Variants in NCAM1 observed in about 807,000 individuals in gnomAD.
The protein encoded by NCAM1 is neural cell adhesion molecule 1.
Under a neutral mutation model 109.8 loss-of-function variants are expected in NCAM1, and 14 were observed. That is an observed-to-expected ratio of 0.13 (90% confidence interval 0.08 to 0.20). NCAM1 has a LOEUF of 0.20. Among genes scored for constraint, NCAM1 ranks in the 10% least tolerant of loss-of-function variants. The pLI is 1.00. For missense variants in NCAM1, 774 were observed against 1,109.9 expected, an observed-to-expected ratio of 0.70 and a Z score of 4.30; for synonymous variants, 418 against 442.9, an observed-to-expected ratio of 0.94 and a Z score of 0.70.
chr11:113,031,689 A>AC (rs1442952886), intron 1 of NCAM1, among the ~76,000 whole-genome samples: 27 of 137,994 alleles, frequency 2.0e-4, no homozygotes, highest in African/African-American at 6.6e-4. Flanking sequence ...ACTGTCTCAA[A>AC]AAAAAAAGAA....
At chr11:113,262,120 A>C (rs2137672198) in intron 17 of NCAM1, among the ~76,000 whole-genome samples, 1 of 151,828 alleles carries the variant, frequency 6.6e-6, no homozygotes, top group East Asian at 1.9e-4. Flanking sequence ...CGAGAATAAA[A>C]CCTCTCTGAA....
At chr11:113,013,317 C>A (rs965092313) in intron 1 of NCAM1, among the ~76,000 whole-genome samples, 9 of 150,970 alleles carry the variant, frequency 6.0e-5, no homozygotes, top group African/African-American at 2.2e-4. Context: ...TCCCAGCTAC[C>A]CGGGAGGCTG....
intron 1 of NCAM1, among the ~76,000 whole-genome samples, chr11:113,165,053 G>A (rs917731767): frequency 6.6e-5 from 10 of 152,084 alleles, no homozygotes; most frequent in Non-Finnish European, 1.5e-4. Context: ...ATTTTGTCAC[G>A]ATATCACAGG....
intron 1 of NCAM1, among the ~76,000 whole-genome samples, chr11:112,968,024 A>T (rs1338403865): frequency 6.6e-6 from 1 of 152,212 alleles, no homozygotes; most frequent in Non-Finnish European, 1.5e-5. Flanking sequence ...CATGCAGTTG[A>T]GGAACCCTGA....
chr11:113,209,350 T>C (rs1944327162), intron 7 of NCAM1, among the ~76,000 whole-genome samples: 1 of 152,214 alleles, frequency 6.6e-6, no homozygotes, highest in African/African-American at 2.4e-5. Context: ...AGGCTATCAG[T>C]TAGGTTCAAG....
intron 1 of NCAM1, among the ~76,000 whole-genome samples, chr11:113,149,145 T>C (rs1942128412): frequency 6.6e-6 from 1 of 152,140 alleles, no homozygotes; most frequent in African/African-American, 2.4e-5. Context: ...TGGACTACTT[T>C]GGGTGGGAGC....
intron 1 of NCAM1, among the ~76,000 whole-genome samples, chr11:113,139,490 T>C (rs1490736761): frequency 6.6e-6 from 1 of 152,198 alleles, no homozygotes; most frequent in Non-Finnish European, 1.5e-5. Context: ...TTTTTCGTCC[T>C]GTCAAGTTGC....
At chr11:113,028,054 G>A (rs1449995905) in intron 1 of NCAM1, among the ~76,000 whole-genome samples, 1 of 152,152 alleles carries the variant, frequency 6.6e-6, no homozygotes, top group African/African-American at 2.4e-5. Context: ...GGGGAAAGGG[G>A]TGGGCAAGCT....
At chr11:113,125,403 A>G (rs1283139021) in intron 1 of NCAM1, among the ~76,000 whole-genome samples, 1 of 152,268 alleles carries the variant, frequency 6.6e-6, no homozygotes, top group African/African-American at 2.4e-5. Context: ...AAATGGTTGT[A>G]GATAAATCAA....
intron 1 of NCAM1, among the ~76,000 whole-genome samples, chr11:113,019,351 C>T (rs1555075844): frequency 1.3e-5 from 2 of 152,172 alleles, no homozygotes; most frequent in Admixed American, 6.5e-5. Flanking sequence ...GTCGCTTTAC[C>T]TTCAATAGCC....
intron 1 of NCAM1, among the ~76,000 whole-genome samples, chr11:113,054,506 A>C (rs1555082239): frequency 6.6e-6 from 1 of 152,196 alleles, no homozygotes; most frequent in Non-Finnish European, 1.5e-5. Context: ...GTAGTCCCTG[A>C]AATTCTAATT....
At chr11:113,247,554 C>G (rs530936939) in intron 15 of NCAM1, among the ~76,000 whole-genome samples, 2 of 152,330 alleles carry the variant, frequency 1.3e-5, no homozygotes, top group East Asian at 3.9e-4. Context: ...CATTTCCCAT[C>G]TCTGAGCCCC....
intron 17 of NCAM1, chr11:113,263,272 T>C: frequency 2.1e-5 from 22 of 1,029,250 alleles, no homozygotes; most frequent in Non-Finnish European, 2.6e-5. Flanking sequence ...AACCTAAATA[T>C]GATGTAGCAG....
intron 1 of NCAM1, among the ~76,000 whole-genome samples, chr11:112,986,631 A>G (rs1377532302): frequency 1.3e-5 from 2 of 152,018 alleles, no homozygotes; most frequent in East Asian, 3.9e-4. Flanking sequence ...TTCATAATTT[A>G]TTATTCATAG....
At chr11:112,966,929 A>G (rs1229088728) in intron 1 of NCAM1, among the ~76,000 whole-genome samples, 5 of 152,240 alleles carry the variant, frequency 3.3e-5, no homozygotes, top group Admixed American at 6.5e-5. Context: ...GGACTGCACT[A>G]AAAGGATAAG....
intron 1 of NCAM1, among the ~76,000 whole-genome samples, chr11:113,007,309 C>T (rs111630969): frequency 0.011 from 1,650 of 152,238 alleles, 14 homozygotes; most frequent in Non-Finnish European, 0.019. Context: ...ATCTTCCTGC[C>T]TCAGCCTCCC....
At position 113,231,725 on chromosome 11, in the gene NCAM1, C is replaced by T. The variant is rs190468342; in HGVS notation, c.1170C>T (p.Ala390=). The T allele has an allele frequency of 2.0e-5, 33 of 1,613,888 alleles. No homozygotes were observed. Among genetic ancestry groups the T allele is most frequent in the Admixed American group, 6.7e-5 (4 of 60,012 alleles). Residue 390 remains alanine, a synonymous_variant, in exon 10 of 20, where the codon GCC becomes GCT. Transcript: ENST00000316851. ...TGAAGAGCATCCAGTACACTGATGC[C>T]GGAGAGTACATCTGCACCGCCAGCA... ...LTLKSIQYTD[A]GEYICTASNT...
intron 14 of NCAM1, among the ~76,000 whole-genome samples, chr11:113,236,093 T>A (rs543125245): frequency 2.0e-5 from 3 of 152,346 alleles, no homozygotes; most frequent in Non-Finnish European, 4.4e-5. Flanking sequence ...CCACTGCCCT[T>A]ACCTCTTCCC....
At chr11:112,993,020 G>T (rs1009208238) in intron 1 of NCAM1, among the ~76,000 whole-genome samples, 1 of 152,048 alleles carries the variant, frequency 6.6e-6, no homozygotes, top group Admixed American at 6.5e-5. Context: ...CCCAAAACAG[G>T]TCTGTCAGTA....
Sources: gnomAD v4.1 joint callset for allele counts (sites outside exome capture counted in the v4.1 genomes callset) on GRCh38, gnomAD v4.1.1 for gene constraint, MANE v1.5 for transcripts, NCBI Gene and HGNC (gene_info 2026-07-23, HGNC 2026-07-21) for gene names.